SCARA5: variants seen among roughly 807,000 people sequenced by gnomAD.
SCARA5 encodes scavenger receptor class A member 5, also known as scavenger receptor class A, member 5 (putative).
In SCARA5, 45 loss-of-function variants were observed where a neutral mutation model predicts 46.3. The observed-to-expected ratio is 0.97, with a 90% confidence interval of 0.76 to 1.24. The LOEUF is 1.24. SCARA5 is among the 50% of genes most tolerant of loss of function. The pLI, the probability that SCARA5 is intolerant of heterozygous loss-of-function variation, is 0.00. For missense variants in SCARA5, 680 were observed against 689.0 expected (o/e 0.99, Z 0.15); for synonymous variants, 333 against 306.5 (o/e 1.09, Z -0.90).
Position 27,915,296 on chromosome 8 carries a change from G to A in SCARA5, c.917-5553C>T, listed in dbSNP as rs539430056. 1.0e-3 allele frequency among the ~76,000 whole-genome samples: 158 copies of A among 152,296 alleles called. 1 individual carries two copies. The highest frequency in any genetic ancestry group is 1.6e-3 in the Non-Finnish European group (112 of 68,018). ...AGACTCAGGCCCAGAAAGGTGCTGG[G>A]ACTGCCCTTGCTACCGTCCTCCGAG... On this transcript the variant is annotated intron_variant, in intron 4 of 8. Transcript: ENST00000354914.
intron 3 of SCARA5, among the ~76,000 whole-genome samples, chr8:27,943,545 T>C (rs1003030256): frequency 1.3e-5 from 2 of 152,130 alleles, no homozygotes; most frequent in Non-Finnish European, 2.9e-5. Context: ...CTCCAAGGGG[T>C]TGGGGAGAAG....
In SCARA5 at chr8:27,934,125, G is replaced by A. The variant is rs1418975599; in HGVS notation, c.242-11880C>T. On this transcript the variant is annotated intron_variant, in intron 3 of 8. Transcript: ENST00000354914. ...CTGTCCCCATATGGAACCAAATTTC[G>A]GTCCAGTTTCCTGCACAGGAAGCAG... 2.0e-5 allele frequency among the ~76,000 whole-genome samples: 3 copies of A among 152,164 alleles called. No individual in the cohort carries two copies. In the East Asian group the frequency reaches 5.8e-4, roughly 29 times the overall value.
At chr8:27,892,696 C>A (rs1807005381) in intron 7 of SCARA5, among the ~76,000 whole-genome samples, 1 of 150,718 alleles carries the variant, frequency 6.6e-6, no homozygotes, top group African/African-American at 2.4e-5. Context: ...TCAAGCCCCG[C>A]CTCCGGGGTT....
chr8:27,900,956 G>T (rs1807143497), intron 7 of SCARA5, among the ~76,000 whole-genome samples: 1 of 151,864 alleles, frequency 6.6e-6, no homozygotes, highest in African/African-American at 2.4e-5. Flanking sequence ...TGATTTTGGG[G>T]ATTCCTCTCA....
chr8:27,912,595 G>A (rs1228162983), intron 4 of SCARA5, among the ~76,000 whole-genome samples: 41 of 152,232 alleles, frequency 2.7e-4, no homozygotes, highest in Non-Finnish European at 1.5e-5. Flanking sequence ...CAAGGCCAAG[G>A]CTGCAGCAAA....
In SCARA5 at chr8:27,922,046, C is replaced by G. The variant is rs778646278; in HGVS notation, c.441G>C (p.Gln147His). ...DSLLALAGAV[Q>H]RLEGALWGLQ... Reference sequence around the variant, plus strand: ...GCCCCCACAGCGCGCCCTCCAGCCGCTGCACTGCGCCCGCCAGCGCCAGCA... The same window carrying G: ...GCCCCCACAGCGCGCCCTCCAGCCGGTGCACTGCGCCCGCCAGCGCCAGCA... Residue 147 changes from glutamine (Q) to histidine (H), a missense_variant, in exon 4 of 9, where the codon CAG (glutamine) becomes CAC (histidine). Gln to His is a conservative substitution (Grantham distance 24). This residue lies in a region of SCARA5 where 438 missense variants were observed against 384.5 expected (regional missense o/e 1.14). Transcript: ENST00000354914. 1.3e-6 allele frequency: 2 copies of G among 1,576,906 alleles called. No homozygotes were observed. Among genetic ancestry groups the G allele is most frequent in the East Asian group, 2.3e-5 (1 of 42,778 alleles).
chr8:27,881,970 G>A (rs555438887), intron 7 of SCARA5, among the ~76,000 whole-genome samples: 23 of 152,160 alleles, frequency 1.5e-4, no homozygotes, highest in Non-Finnish European at 2.8e-4. Flanking sequence ...TCGCCATTAC[G>A]ATATCATACA....
chr8:27,946,901 A>C (rs1808046382), intron 3 of SCARA5, among the ~76,000 whole-genome samples: 1 of 151,592 alleles, frequency 6.6e-6, no homozygotes, highest in African/African-American at 2.4e-5. Context: ...GATCCTGCAG[A>C]ATGACTGAAT....
At chr8:27,872,582 C>T (rs560130787) in intron 8 of SCARA5, among the ~76,000 whole-genome samples, 176 of 152,336 alleles carry the variant, frequency 1.2e-3, no homozygotes, top group Middle Eastern at 0.01. Flanking sequence ...AGGCCCCTTC[C>T]GCCACCTCCT....
chr8:27,913,018 CTGCATAACGCCTCCTCACTT>C lies in SCARA5; in HGVS notation c.917-3295_917-3276del, dbSNP rs565021023. ...GGGGGGCCATCCCGATCACCTCACT[CTGCATAACGCCTCCTCACTT>C]TGCATAACACCTCCTCAGAACCATT... On this transcript the variant is annotated intron_variant, in intron 4 of 8. Transcript: ENST00000354914. Among the ~76,000 whole-genome samples the C allele has an allele frequency of 1.9e-3, 289 of 152,352 alleles. 1 individual carries two copies. The highest frequency in any genetic ancestry group is 6.4e-3 in the African/African-American group (268 of 41,586).
At chr8:27,973,177 T>C (rs1808472618) in intron 2 of SCARA5, among the ~76,000 whole-genome samples, 1 of 152,132 alleles carries the variant, frequency 6.6e-6, no homozygotes, top group Non-Finnish European at 1.5e-5. Flanking sequence ...ACTTTTGGTC[T>C]GAAAAAATAA....
chr8:27,959,982 A>G (rs1563538805), intron 3 of SCARA5, among the ~76,000 whole-genome samples: 1 of 152,142 alleles, frequency 6.6e-6, no homozygotes, highest in Non-Finnish European at 1.5e-5. Flanking sequence ...GGACCTCTCC[A>G]ACAATGTCTC....
At chr8:27,918,074 A>T (rs1320131306) in intron 4 of SCARA5, among the ~76,000 whole-genome samples, 1 of 152,214 alleles carries the variant, frequency 6.6e-6, no homozygotes, top group Non-Finnish European at 1.5e-5. Flanking sequence ...AGACATACAG[A>T]TCCAGGTGGA....
chr8:27,902,103 G>A (rs1807164391), intron 7 of SCARA5, among the ~76,000 whole-genome samples: 1 of 152,164 alleles, frequency 6.6e-6, no homozygotes, highest in Non-Finnish European at 1.5e-5. Context: ...ACTACTGGGG[G>A]TGGGGGTCTT....
chr8:27,966,684 CA>C, intron 2 of SCARA5, 142 bp from the exon 3 acceptor site: 1 of 881,628 alleles, frequency 1.1e-6, no homozygotes, highest in South Asian at 2.1e-5. Flanking sequence ...GTCTAGAATG[CA>C]GCCACTTGAT....
intron 3 of SCARA5, among the ~76,000 whole-genome samples, chr8:27,937,009 A>C (rs1585500704): frequency 6.6e-6 from 1 of 152,322 alleles, no homozygotes; most frequent in South Asian, 2.1e-4. Flanking sequence ...TGGAGGCTAG[A>C]GTGTCTGAAA....
chr8:27,930,943 T>C (rs1457150082), intron 3 of SCARA5, among the ~76,000 whole-genome samples: 2 of 152,058 alleles, frequency 1.3e-5, no homozygotes, highest in Non-Finnish European at 2.9e-5. Context: ...TCAGAAGGGA[T>C]GGGACGGAAC....
chr8:27,985,060 A>G (rs1808686119), intron 2 of SCARA5, among the ~76,000 whole-genome samples: 1 of 152,240 alleles, frequency 6.6e-6, no homozygotes, highest in Admixed American at 6.5e-5. Flanking sequence ...TGCTGGGCTC[A>G]GGAGACATCA....
intron 7 of SCARA5, among the ~76,000 whole-genome samples, chr8:27,903,910 G>C (rs1807205856): frequency 6.6e-6 from 1 of 152,110 alleles, no homozygotes; most frequent in Non-Finnish European, 1.5e-5. Flanking sequence ...GCCCTCACGT[G>C]GGACAGAGCC....
Sources: allele counts gnomAD v4.1 joint callset (sites outside exome capture counted in the v4.1 genomes callset), GRCh38; gene constraint gnomAD v4.1.1; regional missense constraint gnomAD v4.1.1; transcripts MANE v1.5; gene names NCBI Gene and HGNC (gene_info 2026-07-23, HGNC 2026-07-21).